GPC5: variants seen among roughly 807,000 people sequenced by gnomAD.
GPC5 encodes the protein glypican-5.
A neutral mutation model predicts 53.9 loss-of-function variants in GPC5; 47 were observed. That is an observed-to-expected ratio of 0.87 (90% CI 0.69 to 1.11). The LOEUF (loss-of-function observed/expected upper bound fraction) is 1.11, where lower values mean the gene tolerates loss of function less well. Ranked by LOEUF, GPC5 falls within the 50% of genes most tolerant of loss-of-function variation. The pLI, the probability that GPC5 is intolerant of heterozygous loss-of-function variation, is 0.00. For missense variants in GPC5, 748 were observed against 713.1 expected, an observed-to-expected ratio of 1.05 and a Z score of -0.56; for synonymous variants, 286 against 263.3, an observed-to-expected ratio of 1.09 and a Z score of -0.84.
intron 7 of GPC5, among the ~76,000 whole-genome samples, chr13:92,564,100 C>T (rs907862691): frequency 6.6e-5 from 10 of 151,944 alleles, no homozygotes; most frequent in Non-Finnish European, 1.0e-4. Flanking sequence ...AAGAATAAAA[C>T]ATTATTTTTT....
chr13:91,938,028 C>A (rs1360679208), intron 6 of GPC5, among the ~76,000 whole-genome samples: 4 of 151,974 alleles, frequency 2.6e-5, no homozygotes, highest in Non-Finnish European at 4.4e-5. Flanking sequence ...CAATGGGAAA[C>A]TTTGGAGATT....
In GPC5 at chr13:92,296,707, G is replaced by A. The variant is rs555450425; in HGVS notation, c.1561+151718G>A. Among the ~76,000 whole-genome samples the A allele has an allele frequency of 2.3e-3, 344 of 152,324 alleles. 1 individual carries two copies. The highest frequency in any genetic ancestry group is 4.8e-3 in the Admixed American group (74 of 15,310). ...AACCGGGGCTGCGTGCGGCGCTTGC[G>A]GGCCAGCTGGAGTTCCGTGTGGGCG... On this transcript the variant is annotated intron_variant, in intron 7 of 7. Coordinates refer to ENST00000377067, the MANE Select transcript of GPC5 (RefSeq NM_004466.6).
At chr13:91,420,076 T>G (rs1878503998) in intron 1 of GPC5, among the ~76,000 whole-genome samples, 1 of 152,310 alleles carries the variant, frequency 6.6e-6, no homozygotes, top group South Asian at 2.1e-4. Flanking sequence ...CTCAGACTTC[T>G]TGCATTTCCT....
intron 7 of GPC5, among the ~76,000 whole-genome samples, chr13:92,586,306 C>T (rs1048666573): frequency 6.6e-6 from 1 of 152,184 alleles, no homozygotes; most frequent in African/African-American, 2.4e-5. Flanking sequence ...TAAGGCATAG[C>T]ATGTGCAGAT....
intron 7 of GPC5, among the ~76,000 whole-genome samples, chr13:92,330,498 G>C (rs1019426285): frequency 6.6e-6 from 1 of 152,096 alleles, no homozygotes; most frequent in Non-Finnish European, 1.5e-5. Context: ...AGCAGGTAAT[G>C]TATGTAGGTT....
intron 2 of GPC5, among the ~76,000 whole-genome samples, chr13:91,517,283 A>G (rs753254924): frequency 7.2e-5 from 11 of 152,124 alleles, no homozygotes; most frequent in Non-Finnish European, 1.5e-4. Flanking sequence ...CACCCAAATC[A>G]CATCTTCAGT....
At chr13:92,609,029 T>C (rs1198187543) in intron 7 of GPC5, among the ~76,000 whole-genome samples, 6 of 152,012 alleles carry the variant, frequency 3.9e-5, no homozygotes, top group South Asian at 2.1e-4. Flanking sequence ...ATCTCCTATA[T>C]GCAGTTTTCC....
At chr13:92,216,639 T>G (rs905147159) in intron 7 of GPC5, among the ~76,000 whole-genome samples, 1 of 152,160 alleles carries the variant, frequency 6.6e-6, no homozygotes. Flanking sequence ...TCTGGGTATT[T>G]TCATTGTCAT....
At chr13:91,731,230 TA>T (rs2036690152) in intron 4 of GPC5, among the ~76,000 whole-genome samples, 1 of 152,218 alleles carries the variant, frequency 6.6e-6, no homozygotes, top group Non-Finnish European at 1.5e-5. Flanking sequence ...TCACCACGTA[TA>T]AAGGAACATC....
chr13:92,439,503 C>A (rs536529194), intron 7 of GPC5, among the ~76,000 whole-genome samples: 2 of 152,066 alleles, frequency 1.3e-5, no homozygotes, highest in Non-Finnish European at 2.9e-5. Context: ...CCAGTTAACA[C>A]TAAGAGTTGG....
At chr13:91,890,448 C>T (rs575770829) in intron 5 of GPC5, among the ~76,000 whole-genome samples, 110 of 152,230 alleles carry the variant, frequency 7.2e-4, no homozygotes, top group African/African-American at 2.4e-3. Flanking sequence ...TGGGATGAGT[C>T]TGTCTTGGGT....
At chr13:92,607,277 C>A (rs1410160848) in intron 7 of GPC5, among the ~76,000 whole-genome samples, 5 of 152,138 alleles carry the variant, frequency 3.3e-5, no homozygotes, top group African/African-American at 1.2e-4. Flanking sequence ...TTCCCCAAGA[C>A]CAGCTCAATT....
chr13:92,476,762 G>A (rs1365898936), intron 7 of GPC5, among the ~76,000 whole-genome samples: 1 of 148,882 alleles, frequency 6.7e-6, no homozygotes, highest in Admixed American at 6.7e-5. Flanking sequence ...GATGAAATTG[G>A]AAATCATCAT....
At chr13:91,936,528 C>T (rs917917898) in intron 6 of GPC5, among the ~76,000 whole-genome samples, 6 of 152,006 alleles carry the variant, frequency 3.9e-5, no homozygotes, top group Non-Finnish European at 4.4e-5. Flanking sequence ...AAACTTGTAA[C>T]GAAAGTATAC....
intron 7 of GPC5, among the ~76,000 whole-genome samples, chr13:92,850,598 CA>C (rs1878761395): frequency 6.6e-6 from 1 of 150,824 alleles, no homozygotes; most frequent in East Asian, 1.9e-4. Context: ...GACTCCATCT[CA>C]AGAAAGAAAA....
At chr13:91,766,344 T>C (rs1234444716) in intron 5 of GPC5, among the ~76,000 whole-genome samples, 1 of 152,220 alleles carries the variant, frequency 6.6e-6, no homozygotes, top group Non-Finnish European at 1.5e-5. Flanking sequence ...CTCACTATTC[T>C]CTTTCATTTC....
At chr13:92,312,190 A>T (rs2043149420) in intron 7 of GPC5, among the ~76,000 whole-genome samples, 1 of 152,214 alleles carries the variant, frequency 6.6e-6, no homozygotes, top group Non-Finnish European at 1.5e-5. Flanking sequence ...GAGATTTTAA[A>T]GAATATGGAT....
At chr13:92,724,895 C>T (rs1309044275) in intron 7 of GPC5, among the ~76,000 whole-genome samples, 3 of 149,194 alleles carry the variant, frequency 2.0e-5, no homozygotes, top group Non-Finnish European at 3.0e-5. Flanking sequence ...CACACACACA[C>T]ACACACACAC....
At chr13:92,492,176 G>A (rs1444194597) in intron 7 of GPC5, among the ~76,000 whole-genome samples, 1 of 152,066 alleles carries the variant, frequency 6.6e-6, no homozygotes, top group Non-Finnish European at 1.5e-5. Flanking sequence ...GTGTGTATAT[G>A]TTTTAACAAA....
Sources: gnomAD v4.1 joint callset for allele counts (sites outside exome capture counted in the v4.1 genomes callset) on GRCh38, gnomAD v4.1.1 for gene constraint, MANE v1.5 for transcripts, NCBI Gene and HGNC (gene_info 2026-07-23, HGNC 2026-07-21) for gene names.